Variants in VPS41 observed in about 807,000 individuals in gnomAD.
VPS41 encodes vacuolar protein sorting-associated protein 41 homolog.
In VPS41, 85 loss-of-function variants were observed where a neutral mutation model predicts 130.9. That is an observed-to-expected ratio of 0.65 (90% CI 0.55 to 0.78). The LOEUF (loss-of-function observed/expected upper bound fraction) is 0.78. Among genes scored for constraint, VPS41 ranks in the 30% least tolerant of loss-of-function variants. VPS41 has a pLI of 0.00. For synonymous variants in VPS41, 335 were observed against 332.9 expected (o/e 1.01, Z -0.07); for missense variants, 874 against 1,018.7 (o/e 0.86, Z 1.93).
In VPS41 at chr7:38,848,387, CT is replaced by C. The variant is rs562879887; in HGVS notation, c.246+14157del. On this transcript the variant is annotated intron_variant, in intron 4 of 28. Coordinates refer to ENST00000310301, the MANE Select transcript of VPS41 (RefSeq NM_014396.4). ...GAATGGGTGTGTCGCAGAAGCTTCT[CT>C]TTTTTTCCCCTTCGTTTTTCTTTCT... 2.6e-4 allele frequency among the ~76,000 whole-genome samples: 39 copies of C among 152,146 alleles called. 1 individual carries two copies. Among genetic ancestry groups the C allele is most frequent in the Non-Finnish European group, 4.4e-4 (30 of 68,008 alleles).
intron 23 of VPS41, among the ~76,000 whole-genome samples, chr7:38,744,943 G>A (rs1474355848): frequency 6.6e-6 from 1 of 152,168 alleles, no homozygotes; most frequent in African/African-American, 2.4e-5. Context: ...CACCAAATAT[G>A]AATGTTATGT....
At chr7:38,765,735 G>A in intron 15 of VPS41, 74 bp from the exon 16 acceptor site, 1 of 943,970 alleles carries the variant, frequency 1.1e-6, no homozygotes, top group Non-Finnish European at 1.6e-6. Context: ...GACAGAATAA[G>A]TAGACATTTT....
chr7:38,871,831 T>C (rs1438076527), intron 2 of VPS41, among the ~76,000 whole-genome samples: 1 of 152,230 alleles, frequency 6.6e-6, no homozygotes, highest in Non-Finnish European at 1.5e-5. Flanking sequence ...CTTACTTTAT[T>C]ATTATTTTCT....
At chr7:38,867,566 T>A (rs1584435960) in intron 3 of VPS41, among the ~76,000 whole-genome samples, 1 of 150,518 alleles carries the variant, frequency 6.6e-6, no homozygotes, top group East Asian at 2.0e-4. Context: ...AATAAATAAA[T>A]AAAAGAAAGA....
intron 4 of VPS41, among the ~76,000 whole-genome samples, chr7:38,849,003 T>C (rs1785789121): frequency 6.6e-6 from 1 of 152,170 alleles, no homozygotes; most frequent in South Asian, 2.1e-4. Flanking sequence ...CTTCAGTATC[T>C]GTCACAATAT....
intron 6 of VPS41, among the ~76,000 whole-genome samples, chr7:38,820,946 CGTGT>C (rs559571561): frequency 1.3e-5 from 2 of 150,132 alleles, no homozygotes; most frequent in African/African-American, 4.9e-5. Context: ...TGTGTGCGTG[CGTGT>C]GTGTGTGTAT....
chr7:38,901,236 CAG>C (rs1787132709), intron 1 of VPS41, among the ~76,000 whole-genome samples: 1 of 152,112 alleles, frequency 6.6e-6, no homozygotes, highest in Non-Finnish European at 1.5e-5. Context: ...TAAATGGGTA[CAG>C]AGTTTCAGTT....
chr7:38,905,717 A>T lies in VPS41; in HGVS notation c.21+3437T>A, dbSNP rs138731199. ...ACTGGCATTTATGATACATGATACC[A>T]AGAAAAAAATGTATGCCAAGTTTTC... is the stretch of plus-strand genomic sequence containing the variant. On this transcript the variant is annotated intron_variant, in intron 1 of 28. Coordinates refer to ENST00000310301, the MANE Select transcript of VPS41 (RefSeq NM_014396.4). Among the ~76,000 whole-genome samples the T allele has an allele frequency of 1.0e-2, 1,518 of 152,314 alleles. 7 individuals are homozygous for T. The highest frequency in any genetic ancestry group is 0.014 in the Non-Finnish European group (974 of 68,018).
rs115801637 is a variant in VPS41, at chr7:38,898,913, T to C, written c.22-784A>G. Among the ~76,000 whole-genome samples, 466 of 152,008 alleles carry C rather than the reference T, an allele frequency of 3.1e-3. 2 individuals carry two copies. Among genetic ancestry groups the C allele is most frequent in the African/African-American group, 0.011 (458 of 41,426 alleles). ...TTACAACTAATATGCTGACACTGAA[T>C]GTAAGCACTTTACAACAATCCATGA... is the stretch of plus-strand genomic sequence containing the variant. On this transcript the variant is annotated intron_variant, in intron 1 of 28. Transcript: ENST00000310301.
intron 4 of VPS41, among the ~76,000 whole-genome samples, chr7:38,843,938 T>A (rs931452768): frequency 6.6e-6 from 1 of 152,220 alleles, no homozygotes; most frequent in African/African-American, 2.4e-5. Context: ...GGTTGAAATA[T>A]CCTTTTATTC....
intron 15 of VPS41, among the ~76,000 whole-genome samples, chr7:38,766,422 C>T (rs566609347): frequency 1.3e-5 from 2 of 152,184 alleles, no homozygotes; most frequent in Non-Finnish European, 2.9e-5. Flanking sequence ...AGCAGAGGCA[C>T]TTTCTTCTGG....
chr7:38,775,843 T>C (rs1174204836), intron 11 of VPS41, among the ~76,000 whole-genome samples: 1 of 151,118 alleles, frequency 6.6e-6, no homozygotes, highest in Non-Finnish European at 1.5e-5. Context: ...AAAAAAAGGA[T>C]ACAAACAAGG....
At chr7:38,863,558 T>A (rs1214992979) in intron 3 of VPS41, among the ~76,000 whole-genome samples, 1 of 152,152 alleles carries the variant, frequency 6.6e-6, no homozygotes, top group Non-Finnish European at 1.5e-5. Context: ...TAAAATGAAA[T>A]TTCAGTTCAG....
chr7:38,786,498 G>GAAAA (rs1325552744), intron 10 of VPS41, among the ~76,000 whole-genome samples: 1 of 152,270 alleles, frequency 6.6e-6, no homozygotes, highest in South Asian at 2.1e-4. Context: ...ACTGAGCGGG[G>GAAAA]AAAGAGTTGT....
At chr7:38,773,111 C>T (rs926621017) in intron 12 of VPS41, among the ~76,000 whole-genome samples, 19 of 152,108 alleles carry the variant, frequency 1.2e-4, no homozygotes, top group African/African-American at 2.7e-4. Context: ...CCATGGTCAG[C>T]GATAAATGTT....
chr7:38,852,645 G>A (rs1406586109), intron 4 of VPS41, among the ~76,000 whole-genome samples: 1 of 152,094 alleles, frequency 6.6e-6, no homozygotes, highest in Admixed American at 6.5e-5. Flanking sequence ...TCTAGAGCAG[G>A]TGAATAAAAC....
At chr7:38,782,536 G>A (rs971591145) in intron 10 of VPS41, among the ~76,000 whole-genome samples, 2 of 152,166 alleles carry the variant, frequency 1.3e-5, no homozygotes, top group African/African-American at 4.8e-5. Flanking sequence ...GGAGGACTAG[G>A]TAGTTTGAAA....
chr7:38,835,921 T>G lies in VPS41; in HGVS notation c.247-5593A>C, dbSNP rs148516107. 7.9e-4 allele frequency among the ~76,000 whole-genome samples: 120 copies of G among 152,098 alleles called. 1 individual carries two copies. The East Asian group carries it at 0.012, about 15-fold the overall frequency. ...AATGTAATCAATATACTATGCCTTC[T>G]GCTGGTTAATGCTCTTTTGCCCTAA... is the stretch of plus-strand genomic sequence containing the variant. On this transcript the variant is annotated intron_variant, in intron 4 of 28. Transcript: ENST00000310301.
chr7:38,900,125 C>A (rs992545327), intron 1 of VPS41, among the ~76,000 whole-genome samples: 1 of 152,098 alleles, frequency 6.6e-6, no homozygotes, highest in Admixed American at 6.5e-5. Context: ...GTGGCATGCA[C>A]CTGTAGTCCC....
Sources: allele counts gnomAD v4.1 joint callset (sites outside exome capture counted in the v4.1 genomes callset), GRCh38; gene constraint gnomAD v4.1.1; transcripts MANE v1.5; gene names NCBI Gene and HGNC (gene_info 2026-07-23, HGNC 2026-07-21).